The following CA10 variants were observed in gnomAD, a reference collection of about 807,000 sequenced individuals.
The protein encoded by CA10 is carbonic anhydrase-related protein 10.
A neutral mutation model predicts 44.2 loss-of-function variants in CA10; 14 were observed. The observed-to-expected ratio is 0.32, with a 90% CI of 0.21 to 0.50. The LOEUF (loss-of-function observed/expected upper bound fraction) is 0.50, where lower values mean the gene tolerates loss of function less well. CA10 is among the 20% of genes least tolerant of loss of function. CA10 has a pLI of 0.99. For synonymous variants in CA10, 159 were observed against 141.6 expected (o/e 1.12, Z -0.87); for missense variants, 350 against 409.7 (o/e 0.85, Z 1.26).
intron 2 of CA10, among the ~76,000 whole-genome samples, chr17:52,039,828 G>A (rs1034310736): frequency 6.6e-6 from 1 of 152,106 alleles, no homozygotes; most frequent in Admixed American, 6.5e-5. Context: ...ACAGAGGATT[G>A]TAATTCAGAT....
intron 1 of CA10, among the ~76,000 whole-genome samples, chr17:52,079,449 A>T: frequency 7.3e-6 from 1 of 136,476 alleles, no homozygotes; most frequent in Middle Eastern, 3.3e-3. Flanking sequence ...ACAGAGCGAG[A>T]CTCCGTCAAA....
At chr17:51,657,381 A>T (rs1406967312) in intron 4 of CA10, among the ~76,000 whole-genome samples, 2 of 152,308 alleles carry the variant, frequency 1.3e-5, no homozygotes, top group African/African-American at 2.4e-5. Context: ...TGGTGATCAC[A>T]GTTCCTGCAG....
chr17:51,942,222 T>C (rs1275241960), intron 2 of CA10, among the ~76,000 whole-genome samples: 1 of 152,092 alleles, frequency 6.6e-6, no homozygotes, highest in Non-Finnish European at 1.5e-5. Flanking sequence ...TTTACACAAA[T>C]AACAGGGCTT....
intron 2 of CA10, among the ~76,000 whole-genome samples, 179 bp downstream of exon 2, chr17:52,072,140 C>T (rs552937717): frequency 2.0e-5 from 3 of 152,202 alleles, no homozygotes; most frequent in Admixed American, 6.5e-5. Context: ...ACTGCAGGCT[C>T]AGATGGAAAA....
intron 3 of CA10, among the ~76,000 whole-genome samples, chr17:51,891,693 T>G (rs1304559806): frequency 5.9e-5 from 9 of 152,070 alleles, no homozygotes; most frequent in African/African-American, 2.2e-4. Context: ...GGCAGGCAGG[T>G]GAGGGTTGGT....
chr17:51,679,412 A>C (rs1914753586), intron 4 of CA10, among the ~76,000 whole-genome samples: 1 of 151,742 alleles, frequency 6.6e-6, no homozygotes, highest in Admixed American at 6.6e-5. Flanking sequence ...AGTGCCCACC[A>C]CCACGCCCAG....
chr17:52,125,174 T>TG (rs1989093292), intron 1 of CA10, among the ~76,000 whole-genome samples: 1 of 152,236 alleles, frequency 6.6e-6, no homozygotes, highest in Admixed American at 6.5e-5. Flanking sequence ...GAGTCAGCGT[T>TG]GGTGTCAGTC....
At chr17:51,764,587 C>T (rs1905302003) in intron 3 of CA10, among the ~76,000 whole-genome samples, 1 of 152,148 alleles carries the variant, frequency 6.6e-6, no homozygotes, top group African/African-American at 2.4e-5. Context: ...CATCCCATTG[C>T]CCACAACTGC....
chr17:52,156,604 G>T (rs548767734), intron 1 of CA10, among the ~76,000 whole-genome samples: 1 of 152,306 alleles, frequency 6.6e-6, no homozygotes, highest in East Asian at 1.9e-4. Context: ...TAAAGGGAGG[G>T]GATTGACAGG....
intron 3 of CA10, among the ~76,000 whole-genome samples, chr17:51,851,195 A>C (rs903027468): frequency 6.6e-6 from 1 of 152,236 alleles, no homozygotes; most frequent in Non-Finnish European, 1.5e-5. Flanking sequence ...AAATGAGTAC[A>C]TTAATGCCCA....
chr17:51,901,767 T>C (rs1346075755), intron 3 of CA10, among the ~76,000 whole-genome samples: 2 of 152,128 alleles, frequency 1.3e-5, no homozygotes, highest in African/African-American at 4.8e-5. Context: ...AATGTTGTTG[T>C]TGATGATAGC....
chr17:51,835,950 AC>A (rs2143794857), intron 3 of CA10, among the ~76,000 whole-genome samples: 1 of 152,316 alleles, frequency 6.6e-6, no homozygotes, highest in African/African-American at 2.4e-5. Context: ...GGAAGGAAGA[AC>A]ATGAATAAAG....
At chr17:51,841,466 T>G (rs1331435324) in intron 3 of CA10, among the ~76,000 whole-genome samples, 1 of 152,230 alleles carries the variant, frequency 6.6e-6, no homozygotes, top group Non-Finnish European at 1.5e-5. Context: ...CTGGTGCACA[T>G]CTGGCTCCTC....
At chr17:51,799,163 G>C (rs923448719) in intron 3 of CA10, among the ~76,000 whole-genome samples, 2 of 152,114 alleles carry the variant, frequency 1.3e-5, no homozygotes, top group Non-Finnish European at 2.9e-5. Context: ...TATGGTTCTT[G>C]GAAGGCATGA....
rs547392202 is a variant in CA10 at position 51,903,916 on chromosome 17, G to A, written c.279+27074C>T. ...TGGGAGAAAATTTTCTGGGTTCCCT[G>A]GATGTACCAGGGTTGCCATATCTTC... On this transcript the variant is annotated intron_variant, in intron 3 of 8. Coordinates refer to ENST00000451037, the MANE Select transcript of CA10 (RefSeq NM_020178.5). Among the ~76,000 whole-genome samples the A allele has an allele frequency of 3.3e-5, 5 of 152,126 alleles. No individual in the cohort carries two copies. In the East Asian group the frequency reaches 9.7e-4, roughly 29 times the overall value.
chr17:52,063,137 G>T (rs1487313353), intron 2 of CA10, among the ~76,000 whole-genome samples: 2 of 152,206 alleles, frequency 1.3e-5, no homozygotes, highest in African/African-American at 2.4e-5. Flanking sequence ...CTTCCATGAA[G>T]ACTGCTTACC....
Position 52,157,711 on chromosome 17 carries a change from C to A in CA10, c.61+15G>T. ...CATAATCCAAATCAGCCAGTGACTTCGGCGCGTCCCGTACCTGATATGCAG... is the reference window on the plus strand; with the variant it reads ...CATAATCCAAATCAGCCAGTGACTTAGGCGCGTCCCGTACCTGATATGCAG... On this transcript the variant is annotated intron_variant, in intron 1 of 8. Coordinates refer to ENST00000451037, the MANE Select transcript of CA10 (RefSeq NM_020178.5). 6.2e-7 allele frequency: 1 copy of A among 1,612,716 alleles called. No homozygotes were observed. Among genetic ancestry groups the A allele is most frequent in the African/African-American group, 1.3e-5 (1 of 74,986 alleles).
chr17:51,871,419 T>TC lies in CA10; in HGVS notation c.279+59570_279+59571insG, dbSNP rs1979808248. On this transcript the variant is annotated intron_variant, in intron 3 of 8. Coordinates refer to ENST00000451037, the MANE Select transcript of CA10 (RefSeq NM_020178.5). The stretch of plus-strand genomic sequence containing the variant: ...ATTTTTTTTTTTTTTTTTTTTTTTT[T>TC]AGTAGAGACGGGGCTTCACCATGTT... Among the ~76,000 whole-genome samples the TC allele has an allele frequency of 2.7e-5, 4 of 147,400 alleles. No individual in the cohort carries two copies. In the East Asian group the frequency reaches 6.0e-4, roughly 22 times the overall value.
In CA10 at chr17:51,931,103, C is replaced by A; in HGVS notation, c.166G>T (p.Ala56Ser). 1 of 1,613,542 alleles carries A rather than the reference C, an allele frequency of 6.2e-7. No individual in the cohort carries two copies. The highest frequency in any genetic ancestry group is 8.5e-7 in the Non-Finnish European group (1 of 1,179,644). ...TTCCCCACAGAGCAAAGATTCCAAG[C>A]TGAGTTCACCAATCCCCAGAAAGAA... ...VPSFWGLVNS[A>S]WNLCSVGKRQ... Residue 56 changes from alanine (A) to serine (S), a missense_variant, in exon 3 of 9, where the codon GCT becomes TCT. Coordinates refer to ENST00000451037, the MANE Select transcript of CA10 (RefSeq NM_020178.5).
Sources: gnomAD v4.1 joint callset for allele counts (sites outside exome capture counted in the v4.1 genomes callset) on GRCh38, gnomAD v4.1.1 for gene constraint, MANE v1.5 for transcripts, NCBI Gene and HGNC (gene_info 2026-07-23, HGNC 2026-07-21) for gene names.